RYR2: variants seen among roughly 807,000 people sequenced by gnomAD.
RYR2 encodes ryanodine receptor 2, also known as cardiac muscle ryanodine receptor-calcium release channel.
RYR2 carries 227 observed loss-of-function variants against 601.1 expected under a neutral mutation model. The ratio of observed to expected loss-of-function variants is 0.38; its 90% confidence interval spans 0.34 to 0.42. The LOEUF (loss-of-function observed/expected upper bound fraction) is 0.42, where lower values mean the gene tolerates loss of function less well. Among genes scored for constraint, RYR2 ranks in the 10% least tolerant of loss-of-function variants. RYR2 has a pLI of 1.00. For missense variants in RYR2, 4,646 were observed against 6,156.5 expected (o/e 0.75, Z 8.21); for synonymous variants, 2,223 against 2,175.1 (o/e 1.02, Z -0.61).
At chr1:237,377,457 A>T (rs749320567) in intron 8 of RYR2, 22 bp downstream of exon 8, 16 of 1,527,964 alleles carry the variant, frequency 1.0e-5, no homozygotes, top group Non-Finnish European at 1.5e-5. Context: ...AAGTAGGATC[A>T]TGTATCTGCT....
At chr1:237,328,269 A>G (rs1696354603) in intron 2 of RYR2, among the ~76,000 whole-genome samples, 1 of 152,214 alleles carries the variant, frequency 6.6e-6, no homozygotes. Flanking sequence ...ACTTACATTA[A>G]CAGTTTTTTT....
intron 1 of RYR2, among the ~76,000 whole-genome samples, chr1:237,213,915 C>CTTTTTTTTTTTTTTTTTTTTTTTTT (rs71180008): frequency 8.1e-4 from 53 of 65,470 alleles, no homozygotes; most frequent in Non-Finnish European, 1.0e-3. Context: ...TTTTCTTTTT[C>CTTTTTTTTTTTTTTTTTTTTTTTTT]TTTTTTTTTT....
chr1:237,309,615 C>T lies in RYR2; in HGVS notation c.169-21263C>T, dbSNP rs113710470. On this transcript the variant is annotated intron_variant, in intron 2 of 104. Coordinates refer to ENST00000366574, the MANE Select transcript of RYR2 (RefSeq NM_001035.3). ...CCGCAGGCGGAGCTGCCACCAGTCC[C>T]GCACTGTGTGCCCACACTCCTCAGC... Among the ~76,000 whole-genome samples, 1,231 of 152,352 alleles carry T rather than the reference C, an allele frequency of 8.1e-3. 16 individuals are homozygous for T. Among genetic ancestry groups the T allele is most frequent in the African/African-American group, 0.028 (1,146 of 41,576 alleles).
intron 100 of RYR2, among the ~76,000 whole-genome samples, chr1:237,815,934 A>G (rs1033529049): frequency 1.3e-5 from 2 of 152,182 alleles, no homozygotes; most frequent in African/African-American, 4.8e-5. Context: ...CAAGACCCAA[A>G]GACTCCCAAG....
At chr1:237,057,459 A>T (rs1235616160) in intron 1 of RYR2, among the ~76,000 whole-genome samples, 1 of 152,156 alleles carries the variant, frequency 6.6e-6, no homozygotes, top group Non-Finnish European at 1.5e-5. Flanking sequence ...TGCTGGGATT[A>T]TAGGCGTGAG....
rs746822781 is a variant in RYR2 at position 237,650,018 on chromosome 1, G to A, written c.7654G>A (p.Val2552Met). Residue 2552 changes from valine to methionine, a missense_variant, in exon 50 of 105, where the codon GTG (valine) becomes ATG (methionine). Physicochemically the swap from Val to Met is conservative, Grantham distance 21. This residue lies in a region of RYR2 where 1,497 missense variants were observed against 1,842.6 expected (regional missense o/e 0.81). Coordinates refer to ENST00000366574, the MANE Select transcript of RYR2 (RefSeq NM_001035.3). ...ASLIDSLLHT[V>M]YRLSKGCSLT... ...TCTCATTGACTCATTACTTCATACT[G>A]TGTATAGACTTTCTAAGGGCTGTTC... is the stretch of plus-strand genomic sequence containing the variant. 1.2e-6 allele frequency: 2 copies of A among 1,613,976 alleles called. No homozygotes were observed. The highest frequency in any genetic ancestry group is 3.3e-5 in the Admixed American group (2 of 60,014).
intron 1 of RYR2, among the ~76,000 whole-genome samples, chr1:237,198,761 T>C (rs558804857): frequency 1.3e-5 from 2 of 152,084 alleles, no homozygotes; most frequent in Non-Finnish European, 2.9e-5. Context: ...AATCCACAAT[T>C]TTTAGGGCCT....
chr1:237,542,461 T>C (rs912739593), intron 25 of RYR2, among the ~76,000 whole-genome samples: 4 of 152,182 alleles, frequency 2.6e-5, no homozygotes, highest in Non-Finnish European at 5.9e-5. Context: ...CCAGGGCTGC[T>C]TATGTTCTGG....
intron 3 of RYR2, among the ~76,000 whole-genome samples, chr1:237,353,752 A>C (rs984329031): frequency 2.0e-5 from 3 of 151,982 alleles, no homozygotes; most frequent in Non-Finnish European, 4.4e-5. Flanking sequence ...ATTTAATGTA[A>C]TTTCCTGCAG....
intron 1 of RYR2, among the ~76,000 whole-genome samples, chr1:237,158,471 G>A (rs891840582): frequency 6.6e-6 from 1 of 152,124 alleles, no homozygotes; most frequent in Non-Finnish European, 1.5e-5. Context: ...GGGCTTTGAA[G>A]GAGGAAATTG....
chr1:237,330,960 A>C lies in RYR2; in HGVS notation c.251A>C (p.Asn84Thr). Reference sequence around the variant, plus strand: ...CGGGCGCTGCAGGAGATGCTGGCTAACACCGTGGAGAAATCAGAAGGGGCA... The same window carrying C: ...CGGGCGCTGCAGGAGATGCTGGCTACCACCGTGGAGAAATCAGAAGGGGCA... ...SVRALQEMLA[N>T]TVEKSEGQVD... Residue 84 changes from asparagine to threonine, a missense_variant, in exon 3 of 105, where the codon AAC becomes ACC. Coordinates refer to ENST00000366574, the MANE Select transcript of RYR2 (RefSeq NM_001035.3). 2 of 1,614,034 alleles carry C rather than the reference A, an allele frequency of 1.2e-6. No individual in the cohort carries two copies. Among genetic ancestry groups the C allele is most frequent in the African/African-American group, 2.7e-5 (2 of 75,070 alleles).
intron 1 of RYR2, among the ~76,000 whole-genome samples, chr1:237,064,368 C>T (rs1341488791): frequency 1.3e-5 from 2 of 151,954 alleles, no homozygotes; most frequent in East Asian, 1.9e-4. Context: ...TCTGTTGTAA[C>T]ATTCTTCCTC....
intron 1 of RYR2, among the ~76,000 whole-genome samples, chr1:237,127,740 C>A (rs1368068044): frequency 6.6e-6 from 1 of 150,800 alleles, no homozygotes; most frequent in African/African-American, 2.4e-5. Flanking sequence ...TCCTCACATC[C>A]CAGACGGGGC....
chr1:237,179,853 AGCCG>A (rs998214444), intron 1 of RYR2, among the ~76,000 whole-genome samples: 15 of 152,220 alleles, frequency 9.9e-5, no homozygotes, highest in African/African-American at 3.4e-4. Flanking sequence ...CCTTGGCCAT[AGCCG>A]GCAACATCTA....
rs140674275 is a variant in RYR2 at position 237,172,689 on chromosome 1, T to C, written c.49-97808T>C. ...TCTGGCAAAACCGGAGTTTTATTGA[T>C]GGACTTCCTTTATGTACTCACTCTG... is the stretch of plus-strand genomic sequence containing the variant. On this transcript the variant is annotated intron_variant, in intron 1 of 104. Coordinates refer to ENST00000366574, the MANE Select transcript of RYR2 (RefSeq NM_001035.3). Among the ~76,000 whole-genome samples the C allele has an allele frequency of 3.9e-3, 601 of 152,350 alleles. 5 individuals are homozygous for C. The highest frequency in any genetic ancestry group is 0.014 in the African/African-American group (574 of 41,568).
At position 237,700,246 on chromosome 1, in the gene RYR2, G is replaced by A; in HGVS notation, c.9146G>A (p.Gly3049Asp). 6.4e-7 allele frequency: 1 copy of A among 1,566,958 alleles called. No homozygotes were observed. The highest frequency in any genetic ancestry group is 8.7e-7 in the Non-Finnish European group (1 of 1,153,708). The change falls in exon 65 of 105, where the codon GGC (glycine) becomes GAC (aspartate). Residue 3049 changes from glycine (G) to aspartate (D), a missense_variant. Around this residue, in one of 17 missense-constraint regions of RYR2, gnomAD observed 1,497 missense variants for 1,842.6 expected, o/e 0.81. Coordinates refer to ENST00000366574, the MANE Select transcript of RYR2 (RefSeq NM_001035.3). Reference sequence around the variant, plus strand: ...CTTTCTAGGACAGTGATGAAGACTGGCCTGGAGAGTGTTAAAAGTGCACTC... The same window carrying A: ...CTTTCTAGGACAGTGATGAAGACTGACCTGGAGAGTGTTAAAAGTGCACTC... ...TLDARTVMKT[G>D]LESVKSALRA...
At chr1:237,803,502 A>C (rs2794822) in intron 98 of RYR2, among the ~76,000 whole-genome samples, 1 of 151,718 alleles carries the variant, frequency 6.6e-6, no homozygotes, top group East Asian at 2.0e-4. Context: ...GGGTTTCACC[A>C]TGTTAGCCAG....
intron 92 of RYR2, among the ~76,000 whole-genome samples, chr1:237,788,602 T>C (rs1657940559): frequency 6.6e-6 from 1 of 152,228 alleles, no homozygotes. Flanking sequence ...CCATAGTCAG[T>C]ATTTCTATAA....
At chr1:237,163,138 C>T (rs190304440) in intron 1 of RYR2, among the ~76,000 whole-genome samples, 75 of 152,298 alleles carry the variant, frequency 4.9e-4, no homozygotes, top group African/African-American at 1.5e-3. Context: ...ACAACCACTC[C>T]GGTCAAACCT....
Sources: gnomAD v4.1 joint callset for allele counts (sites outside exome capture counted in the v4.1 genomes callset) on GRCh38, gnomAD v4.1.1 for gene constraint, gnomAD v4.1.1 regional missense constraint, MANE v1.5 for transcripts, NCBI Gene and HGNC (gene_info 2026-07-23, HGNC 2026-07-21) for gene names.